Variants in OAS3 observed in about 807,000 individuals in gnomAD.
OAS3 encodes the protein 2'-5'-oligoadenylate synthetase 3, also known as 2'-5'-oligoadenylate synthase 3.
In OAS3, 107 loss-of-function variants were observed where a neutral mutation model predicts 113.0. That is an observed-to-expected ratio of 0.95 (90% confidence interval 0.81 to 1.11). The LOEUF (loss-of-function observed/expected upper bound fraction) is 1.11, where lower values mean the gene tolerates loss of function less well. Ranked by LOEUF, OAS3 falls within the 50% of genes most tolerant of loss-of-function variation. The pLI, the probability that OAS3 is intolerant of heterozygous loss-of-function variation, is 0.00. For missense variants in OAS3, 1,258 were observed against 1,389.1 expected (o/e 0.91, Z 1.50); for synonymous variants, 552 against 573.6 (o/e 0.96, Z 0.54).
chr12:112,958,784 C>T (rs1593181661), intron 7 of OAS3, among the ~76,000 whole-genome samples: 2 of 152,256 alleles, frequency 1.3e-5, no homozygotes, highest in Non-Finnish European at 2.9e-5. Flanking sequence ...TTAGGCTACT[C>T]GGGGGTCAGG....
At chr12:112,962,933 A>G (rs779796249) in intron 9 of OAS3, 31 bp downstream of exon 9, 16 of 1,609,246 alleles carry the variant, frequency 9.9e-6, no homozygotes, top group African/African-American at 2.7e-5. Flanking sequence ...GCCTGGCTTC[A>G]TTATCCTCCC....
intron 11 of OAS3, among the ~76,000 whole-genome samples, chr12:112,964,710 G>C (rs947197715): frequency 1.3e-5 from 2 of 151,972 alleles, no homozygotes; most frequent in Non-Finnish European, 2.9e-5. Context: ...AGGAGCCCAG[G>C]CAGCATCATC....
intron 7 of OAS3, 54 bp from the exon 8 acceptor site, chr12:112,961,017 A>G (rs2043878017): frequency 6.4e-7 from 1 of 1,569,194 alleles, no homozygotes; most frequent in South Asian, 1.2e-5. Flanking sequence ...GGGTTGGTAA[A>G]TGCTGCTGTC....
chr12:112,966,037 GC>G lies in OAS3; in HGVS notation c.2689+11del, dbSNP rs1565982267. 6.2e-7 allele frequency: 1 copy of G among 1,613,588 alleles called. No homozygotes were observed. On this transcript the variant is annotated intron_variant, in intron 12 of 15. Coordinates refer to ENST00000228928, the MANE Select transcript of OAS3 (RefSeq NM_006187.4). ...CAGCCTTTGACGCCCTAGGTGAGGT[GC>G]CCTGGCGTAGACCTGAGAGGGGGAA...
chr12:112,958,171 T>C (rs1338054514), intron 7 of OAS3, among the ~76,000 whole-genome samples: 2 of 152,276 alleles, frequency 1.3e-5, no homozygotes. Context: ...TCTTGTGCCA[T>C]GATTTTCAGC....
intron 8 of OAS3, among the ~76,000 whole-genome samples, chr12:112,962,146 C>T (rs1445104682): frequency 6.6e-6 from 1 of 152,168 alleles, no homozygotes; most frequent in African/African-American, 2.4e-5. Flanking sequence ...CTTCGGAGCT[C>T]CCTTACTAAA....
chr12:112,959,102 C>T (rs1376323942), intron 7 of OAS3, among the ~76,000 whole-genome samples: 3 of 152,212 alleles, frequency 2.0e-5, no homozygotes, highest in Admixed American at 6.5e-5. Context: ...GACTGCTGTG[C>T]TAACAGTGAA....
At position 112,969,779 on chromosome 12, in the gene OAS3, G is replaced by T. The variant is rs779916488; in HGVS notation, c.3252+24G>T. 2.5e-5 allele frequency: 41 copies of T among 1,610,274 alleles called. No homozygotes were observed. The highest frequency in any genetic ancestry group is 3.2e-5 in the Non-Finnish European group (38 of 1,178,046). On this transcript the variant is annotated intron_variant, in intron 15 of 15. Coordinates refer to ENST00000228928, the MANE Select transcript of OAS3 (RefSeq NM_006187.4). ...AGGTGAGAGATCTGTGGTGCCAAAGGAAGTACCCTTTAGGGGTAAGGGGGG... is the reference window on the plus strand; with the variant it reads ...AGGTGAGAGATCTGTGGTGCCAAAGTAAGTACCCTTTAGGGGTAAGGGGGG...
At position 112,970,107 on chromosome 12, in the gene OAS3, T is replaced by A. The variant is rs1593187930; in HGVS notation, c.*134T>A. On this transcript the variant is annotated 3_prime_UTR_variant, in exon 16 of 16. Coordinates refer to ENST00000228928, the MANE Select transcript of OAS3 (RefSeq NM_006187.4). ...GTGTGAGCACATGTGTGCATGTGTGTGCACACGTGTGCATGTGTGTGTTTT... is the reference window on the plus strand; with the variant it reads ...GTGTGAGCACATGTGTGCATGTGTGAGCACACGTGTGCATGTGTGTGTTTT... 1.0e-6 allele frequency: 1 copy of A among 989,920 alleles called. No individual in the cohort carries two copies. The allele number at this position is 989,920 out of a possible 1,614,324, so 61.3% of individuals were successfully genotyped here. A position where few individuals can be genotyped will look rare whatever the true frequency, so the allele number is the denominator to read the frequency against.
chr12:112,968,660 G>A (rs1268125195), intron 14 of OAS3, among the ~76,000 whole-genome samples: 4 of 152,184 alleles, frequency 2.6e-5, no homozygotes, highest in East Asian at 3.9e-4. Context: ...GACCAGAGGC[G>A]CATGCCACCA....
At chr12:112,943,211 A>C (rs1275113898) in intron 2 of OAS3, among the ~76,000 whole-genome samples, 1 of 152,188 alleles carries the variant, frequency 6.6e-6, no homozygotes, top group East Asian at 1.9e-4. Flanking sequence ...CTAGGATTAC[A>C]GGCACAAGCC....
intron 5 of OAS3, 82 bp from the exon 6 acceptor site, chr12:112,948,779 G>T: frequency 1.8e-6 from 2 of 1,101,972 alleles, no homozygotes; most frequent in South Asian, 3.2e-5. Flanking sequence ...TGTACAAAGG[G>T]CGGGAGCTGG....
chr12:112,948,651 C>T (rs35356489), intron 5 of OAS3, among the ~76,000 whole-genome samples: 19,298 of 152,106 alleles, frequency 0.13, 1,334 homozygotes, highest in Middle Eastern at 0.18. Flanking sequence ...ATCACAAGGG[C>T]ACCCATTTTG....
chr12:112,951,653 AT>A (rs2043793498), intron 7 of OAS3, among the ~76,000 whole-genome samples: 1 of 152,078 alleles, frequency 6.6e-6, no homozygotes, highest in South Asian at 2.1e-4. Context: ...TGTGATATCA[AT>A]TCTTTGGAAT....
chr12:112,942,919 A>C (rs753330501), intron 2 of OAS3, among the ~76,000 whole-genome samples: 6 of 151,692 alleles, frequency 4.0e-5, no homozygotes, highest in Non-Finnish European at 8.8e-5. Flanking sequence ...GTGTACCCAC[A>C]TACTGGGTAC....
At chr12:112,942,118 G>A (rs942513368) in intron 2 of OAS3, 15 of 596,882 alleles carry the variant, frequency 2.5e-5, no homozygotes, top group Non-Finnish European at 4.2e-5. Context: ...GCCACTGCCT[G>A]GAGCGGTTAC....
In OAS3 at chr12:112,968,038, A is replaced by T. The variant is rs371447172; in HGVS notation, c.2968A>T (p.Asn990Tyr). The T allele has an allele frequency of 6.2e-7, 1 of 1,613,800 alleles. No individual in the cohort carries two copies. Among genetic ancestry groups the T allele is most frequent in the African/African-American group, 1.3e-5 (1 of 74,944 alleles). The stretch of plus-strand genomic sequence containing the variant: ...GCAGGGCGGGAAGGACTCCCAGTTC[A>T]ACATGGCTGAGGGCTTCCGCACGGT... The part of the protein sequence containing the change: ...WEQGGKDSQF[N>Y]MAEGFRTVLE... Residue 990 changes from asparagine (N) to tyrosine (Y), a missense_variant, in exon 14 of 16, where the codon AAC becomes TAC. Physicochemically the swap from Asn to Tyr is moderately radical, Grantham distance 143. Transcript: ENST00000228928.
chr12:112,943,801 C>T (rs1216670184), intron 2 of OAS3, among the ~76,000 whole-genome samples: 1 of 152,166 alleles, frequency 6.6e-6, no homozygotes, highest in East Asian at 1.9e-4. Context: ...GCAACCTCTG[C>T]CTCCTGAGTT....
At chr12:112,967,001 TA>T (rs1329023557) in intron 12 of OAS3, among the ~76,000 whole-genome samples, 2 of 152,224 alleles carry the variant, frequency 1.3e-5, no homozygotes, top group Non-Finnish European at 2.9e-5. Flanking sequence ...ATTTGGATAT[TA>T]AGGAATGCCT....
Sources: allele counts gnomAD v4.1 joint callset (sites outside exome capture counted in the v4.1 genomes callset), GRCh38; gene constraint gnomAD v4.1.1; transcripts MANE v1.5; gene names NCBI Gene and HGNC (gene_info 2026-07-23, HGNC 2026-07-21).